The following FUT9 variants were observed in gnomAD, a reference collection of about 807,000 sequenced individuals.
FUT9 encodes fucosyltransferase 9, also known as 4-galactosyl-N-acetylglucosaminide 3-alpha-L-fucosyltransferase 9.
In FUT9, 15 loss-of-function variants were observed where a neutral mutation model predicts 29.7. That is an observed-to-expected ratio of 0.51 (90% CI 0.34 to 0.78). The LOEUF is 0.78. FUT9 is among the 30% of genes least tolerant of loss of function. The pLI is 0.01. For synonymous variants in FUT9, 169 were observed against 153.7 expected (o/e 1.10, Z -0.74); for missense variants, 319 against 425.4 (o/e 0.75, Z 2.20).
intron 1 of FUT9, among the ~76,000 whole-genome samples, chr6:96,068,928 T>C (rs1771006500): frequency 6.6e-6 from 1 of 152,204 alleles, no homozygotes. Context: ...ACAAGCATGT[T>C]AAAATCCAAA....
At chr6:96,137,776 T>A (rs1294433087) in intron 2 of FUT9, among the ~76,000 whole-genome samples, 2 of 152,072 alleles carry the variant, frequency 1.3e-5, no homozygotes, top group African/African-American at 4.8e-5. Flanking sequence ...TATTGACTCA[T>A]TAGTTTTGAT....
chr6:96,092,226 A>C (rs1375193189), intron 1 of FUT9, among the ~76,000 whole-genome samples: 1 of 152,164 alleles, frequency 6.6e-6, no homozygotes, highest in Non-Finnish European at 1.5e-5. Context: ...AGGTAAAATG[A>C]ATGAATTAGA....
At chr6:96,172,280 G>A (rs992407998) in intron 2 of FUT9, among the ~76,000 whole-genome samples, 7 of 152,072 alleles carry the variant, frequency 4.6e-5, no homozygotes, top group East Asian at 1.9e-4. Context: ...TTGGGAGAGC[G>A]GGACACAAAC....
At chr6:96,082,084 A>G (rs995547546) in intron 1 of FUT9, among the ~76,000 whole-genome samples, 2 of 151,888 alleles carry the variant, frequency 1.3e-5, no homozygotes, top group Admixed American at 1.3e-4. Flanking sequence ...ATCCACTTTT[A>G]TAAATACCTT....
intron 1 of FUT9, among the ~76,000 whole-genome samples, chr6:96,054,951 T>C (rs1384395564): frequency 1.3e-5 from 2 of 152,188 alleles, no homozygotes; most frequent in Admixed American, 1.3e-4. Flanking sequence ...GATTTCCTTT[T>C]CTTCATTAGA....
intron 1 of FUT9, among the ~76,000 whole-genome samples, chr6:96,045,457 T>C (rs2127935283): frequency 6.6e-6 from 1 of 152,366 alleles, no homozygotes; most frequent in East Asian, 1.9e-4. Context: ...CATTATCATC[T>C]AATATAACCA....
chr6:96,163,511 A>G (rs1295498929), intron 2 of FUT9, among the ~76,000 whole-genome samples: 1 of 152,160 alleles, frequency 6.6e-6, no homozygotes, highest in East Asian at 1.9e-4. Flanking sequence ...CCACTCATAG[A>G]CTGCTAAGTG....
chr6:96,129,072 A>G (rs1772186045), intron 2 of FUT9, among the ~76,000 whole-genome samples: 1 of 149,472 alleles, frequency 6.7e-6, no homozygotes, highest in South Asian at 2.1e-4. Flanking sequence ...CTTGGCTAAC[A>G]CGGTGAAACC....
chr6:96,184,375 T>C (rs1773366456), intron 2 of FUT9, among the ~76,000 whole-genome samples: 2 of 152,104 alleles, frequency 1.3e-5, no homozygotes, highest in African/African-American at 4.8e-5. Context: ...ATCAATTTTA[T>C]TTATCTTTTC....
chr6:96,146,731 G>C (rs1241951999), intron 2 of FUT9, among the ~76,000 whole-genome samples: 1 of 152,040 alleles, frequency 6.6e-6, no homozygotes, highest in Non-Finnish European at 1.5e-5. Context: ...ATTACTACTT[G>C]GTGAAAGTTT....
At chr6:96,180,612 A>T (rs929518402) in intron 2 of FUT9, among the ~76,000 whole-genome samples, 1 of 152,000 alleles carries the variant, frequency 6.6e-6, no homozygotes, top group Non-Finnish European at 1.5e-5. Context: ...ACCTTTGGCT[A>T]TCCCCCTGCC....
intron 2 of FUT9, among the ~76,000 whole-genome samples, chr6:96,134,567 C>T (rs1772312264): frequency 5.9e-5 from 9 of 151,798 alleles, no homozygotes; most frequent in African/African-American, 2.2e-4. Flanking sequence ...AAAGTAATCA[C>T]CAATTACTGA....
chr6:96,044,255 T>C (rs1770519894), intron 1 of FUT9, among the ~76,000 whole-genome samples: 1 of 152,224 alleles, frequency 6.6e-6, no homozygotes, highest in South Asian at 2.1e-4. Context: ...TGAGCAAAGA[T>C]AGCATGACCT....
chr6:96,060,203 C>G (rs1052199910), intron 1 of FUT9, among the ~76,000 whole-genome samples: 14 of 152,108 alleles, frequency 9.2e-5, no homozygotes, highest in Admixed American at 3.3e-4. Context: ...TGCAAACTCA[C>G]TTATGGGGAG....
intron 1 of FUT9, among the ~76,000 whole-genome samples, chr6:96,016,689 G>T (rs531177050): frequency 6.6e-6 from 1 of 152,130 alleles, no homozygotes; most frequent in African/African-American, 2.4e-5. Flanking sequence ...CGACTGTCCC[G>T]TCCTATTCCT....
intron 2 of FUT9, among the ~76,000 whole-genome samples, chr6:96,150,582 T>C (rs1772657750): frequency 2.0e-5 from 3 of 152,166 alleles, no homozygotes. Flanking sequence ...GGAGATTTAT[T>C]CTGGCAGCAG....
In FUT9 at chr6:96,209,489, C is replaced by T. The variant is rs187830264; in HGVS notation, c.*5254C>T. 334 of 166,796 alleles carry T rather than the reference C, an allele frequency of 2.0e-3. No individual in the cohort carries two copies. Among genetic ancestry groups the T allele is most frequent in the African/African-American group, 7.8e-3 (322 of 41,464 alleles). 10.3% of individuals were successfully genotyped at this position (166,796 alleles called of 1,614,324 possible). On this transcript the variant is annotated 3_prime_UTR_variant, in exon 3 of 3. Transcript: ENST00000302103. Reference sequence around the variant, plus strand: ...GCAGAAAAATCAATCATATTTTAGGCATTATTTTGAAATATTTTAGAGTTT... The same window carrying T: ...GCAGAAAAATCAATCATATTTTAGGTATTATTTTGAAATATTTTAGAGTTT...
At chr6:96,167,429 A>G (rs1422322902) in intron 2 of FUT9, among the ~76,000 whole-genome samples, 2 of 152,122 alleles carry the variant, frequency 1.3e-5, no homozygotes, top group African/African-American at 4.8e-5. Flanking sequence ...GTGGAGGGGT[A>G]ATATGGAAAT....
intron 1 of FUT9, among the ~76,000 whole-genome samples, chr6:96,069,646 T>C (rs1771024340): frequency 6.6e-6 from 1 of 151,534 alleles, no homozygotes; most frequent in Non-Finnish European, 1.5e-5. Flanking sequence ...TTTATTTTTT[T>C]GAGATGGAGT....
Sources: allele counts gnomAD v4.1 joint callset (sites outside exome capture counted in the v4.1 genomes callset), GRCh38; gene constraint gnomAD v4.1.1; transcripts MANE v1.5; gene names NCBI Gene and HGNC (gene_info 2026-07-23, HGNC 2026-07-21).